The following GSK3B variants were observed in gnomAD, a reference collection of about 807,000 sequenced individuals.
The protein encoded by GSK3B is glycogen synthase kinase-3 beta.
In GSK3B, 15 loss-of-function variants were observed where a neutral mutation model predicts 56.4. That is an observed-to-expected ratio of 0.27 (90% CI 0.18 to 0.41). The LOEUF is 0.41. GSK3B is among the 10% of genes least tolerant of loss of function. The probability of loss-of-function intolerance (pLI) is 1.00; values close to 1 mark genes in which losing one functional copy is unlikely to be tolerated. For synonymous variants in GSK3B, 181 were observed against 188.9 expected (o/e 0.96, Z 0.34); for missense variants, 300 against 513.4 (o/e 0.58, Z 4.02).
chr3:119,887,835 T>A (rs969625581), intron 7 of GSK3B, among the ~76,000 whole-genome samples: 4 of 151,910 alleles, frequency 2.6e-5, no homozygotes, highest in Non-Finnish European at 5.9e-5. Flanking sequence ...ACTCACAAAG[T>A]GAAAATCTTC....
intron 1 of GSK3B, among the ~76,000 whole-genome samples, chr3:120,013,918 C>T (rs1391706603): frequency 6.6e-6 from 1 of 151,624 alleles, no homozygotes; most frequent in African/African-American, 2.4e-5. Context: ...GCCTATAATT[C>T]CAGCACTTTG....
intron 7 of GSK3B, among the ~76,000 whole-genome samples, chr3:119,886,152 T>C (rs922188010): frequency 2.6e-5 from 4 of 150,968 alleles, no homozygotes; most frequent in African/African-American, 9.8e-5. Flanking sequence ...CTGACAGAGG[T>C]CTCATATCCA....
chr3:119,875,199 A>T (rs1372154798), intron 8 of GSK3B, among the ~76,000 whole-genome samples: 1 of 152,060 alleles, frequency 6.6e-6, no homozygotes, highest in Non-Finnish European at 1.5e-5. Flanking sequence ...AATAGGAAAT[A>T]AATAATTAGT....
intron 9 of GSK3B, among the ~76,000 whole-genome samples, chr3:119,847,674 A>G (rs1485106955): frequency 6.6e-6 from 1 of 152,228 alleles, no homozygotes; most frequent in Non-Finnish European, 1.5e-5. Flanking sequence ...ATCTCGGGGA[A>G]AGATGTGGCC....
intron 2 of GSK3B, among the ~76,000 whole-genome samples, chr3:119,970,249 G>A (rs1015564735): frequency 1.3e-4 from 20 of 152,184 alleles, no homozygotes; most frequent in Non-Finnish European, 2.2e-4. Context: ...GATAAGGGGC[G>A]GGGGAAACAA....
At chr3:119,847,313 TA>T (rs370648735) in intron 9 of GSK3B, among the ~76,000 whole-genome samples, 14,084 of 150,880 alleles carry the variant, frequency 0.093, 790 homozygotes, top group Non-Finnish European at 0.12. Flanking sequence ...AGAATAAGTT[TA>T]AAAAAAAATA....
Position 119,824,809 on chromosome 3 carries a change from A to G in GSK3B, c.*1979T>C, listed in dbSNP as rs2055475791. The stretch of plus-strand genomic sequence containing the variant: ...GGCCCAAGACCTCAGCTAAACAGCG[A>G]GTGAAAACCAAGATGGCTCACAGTT... On this transcript the variant is annotated 3_prime_UTR_variant, in exon 11 of 11. Coordinates refer to ENST00000264235, the MANE Select transcript of GSK3B (RefSeq NM_001146156.2). The G allele has an allele frequency of 5.4e-6, 1 of 184,954 alleles. No homozygotes were observed. Among genetic ancestry groups the G allele is most frequent in the East Asian group, 8.7e-5 (1 of 11,446 alleles). 11.5% of individuals were successfully genotyped at this position (184,954 alleles called of 1,614,324 possible).
chr3:120,024,268 C>T (rs945461306), intron 1 of GSK3B, among the ~76,000 whole-genome samples: 3 of 152,046 alleles, frequency 2.0e-5, no homozygotes, highest in African/African-American at 7.2e-5. Flanking sequence ...CCCAGGAGGT[C>T]AAGGCCACAG....
chr3:119,923,708 A>G (rs1410426067), intron 3 of GSK3B, among the ~76,000 whole-genome samples: 1 of 152,196 alleles, frequency 6.6e-6, no homozygotes, highest in Non-Finnish European at 1.5e-5. Context: ...AGTCATTTCA[A>G]TATTGTTAAG....
At chr3:120,029,479 C>G (rs2057957313) in intron 1 of GSK3B, 6 of 679,562 alleles carry the variant, frequency 8.8e-6, no homozygotes, top group Non-Finnish European at 1.4e-5. Flanking sequence ...GTGTTATTAT[C>G]TGCAGGTGTT....
At chr3:119,834,766 G>A (rs2055664132) in intron 10 of GSK3B, among the ~76,000 whole-genome samples, 1 of 152,198 alleles carries the variant, frequency 6.6e-6, no homozygotes. Context: ...GTCTGATAGG[G>A]AATTCCAACT....
chr3:120,002,153 T>A lies in GSK3B; in HGVS notation c.175A>T (p.Thr59Ser), dbSNP rs201555172. The A allele has an allele frequency of 6.2e-7, 1 of 1,612,350 alleles. No homozygotes were observed. The highest frequency in any genetic ancestry group is 8.5e-7 in the Non-Finnish European group (1 of 1,179,186). The change falls in exon 2 of 11, where the codon ACT becomes TCT. Residue 59 changes from threonine to serine, a missense_variant. Thr to Ser is a moderately conservative substitution (Grantham distance 58). Transcript: ENST00000264235. ...AATGATCCATTTCCAATCACTTTAG[T>A]GTCTGTATAGCTGACTTCTTGTGGC... The part of the protein sequence containing the change: ...DRPQEVSYTD[T>S]KVIGNGSFGV...
intron 1 of GSK3B, among the ~76,000 whole-genome samples, chr3:120,048,745 T>C (rs899997213): frequency 1.2e-4 from 18 of 152,220 alleles, no homozygotes; most frequent in Non-Finnish European, 1.0e-4. Flanking sequence ...AGAAAAGGTA[T>C]GGATCCTAAC....
chr3:119,888,412 T>C (rs1273535681), intron 7 of GSK3B, among the ~76,000 whole-genome samples: 3 of 152,144 alleles, frequency 2.0e-5, no homozygotes, highest in Admixed American at 1.3e-4. Flanking sequence ...TTGTGAAGAT[T>C]TCATTTTAAT....
Position 120,054,313 on chromosome 3 carries a change from A to C in GSK3B, c.88+39034T>G, listed in dbSNP as rs142112671. Among the ~76,000 whole-genome samples, 1,251 of 152,212 alleles carry C rather than the reference A, an allele frequency of 8.2e-3. 9 individuals are homozygous for C. The highest frequency in any genetic ancestry group is 0.02 in the Middle Eastern group (6 of 294). On this transcript the variant is annotated intron_variant, in intron 1 of 10. Coordinates refer to ENST00000264235, the MANE Select transcript of GSK3B (RefSeq NM_001146156.2). ...CTGTACTCCACCAGCTTCATAGGCA[A>C]ACTTTTCAAACGGTAGTCAATACTC... is the stretch of plus-strand genomic sequence containing the variant.
At chr3:119,828,166 C>T (rs1424569484) in intron 10 of GSK3B, among the ~76,000 whole-genome samples, 2 of 152,208 alleles carry the variant, frequency 1.3e-5, no homozygotes, top group African/African-American at 4.8e-5. Flanking sequence ...GTAGAACTTA[C>T]TTAGAGCTTA....
intron 7 of GSK3B, among the ~76,000 whole-genome samples, chr3:119,899,185 T>C (rs1378625914): frequency 6.6e-6 from 1 of 152,078 alleles, no homozygotes; most frequent in Non-Finnish European, 1.5e-5. Flanking sequence ...AAAGGGAGGA[T>C]TCACGTCCCA....
At chr3:119,913,146 G>A (rs1246372254) in intron 5 of GSK3B, among the ~76,000 whole-genome samples, 2 of 151,992 alleles carry the variant, frequency 1.3e-5, no homozygotes, top group Admixed American at 1.3e-4. Flanking sequence ...GCAGAAAAGA[G>A]GTACCTCCCC....
chr3:119,983,475 G>A (rs1382514999), intron 2 of GSK3B, among the ~76,000 whole-genome samples: 2 of 150,978 alleles, frequency 1.3e-5, no homozygotes, highest in Non-Finnish European at 2.9e-5. Flanking sequence ...CATATGCAAA[G>A]ACGCACACAG....
Sources: allele counts gnomAD v4.1 joint callset (sites outside exome capture counted in the v4.1 genomes callset), GRCh38; gene constraint gnomAD v4.1.1; transcripts MANE v1.5; gene names NCBI Gene and HGNC (gene_info 2026-07-23, HGNC 2026-07-21).